The following SLTM variants were observed in gnomAD, a reference collection of about 807,000 sequenced individuals.
The protein encoded by SLTM is SAFB like transcription modulator.
Under a neutral mutation model 134.6 loss-of-function variants are expected in SLTM, and 43 were observed. The observed-to-expected ratio is 0.32, with a 90% CI of 0.25 to 0.41. The LOEUF (loss-of-function observed/expected upper bound fraction) is 0.41. Among genes scored for constraint, SLTM ranks in the 10% least tolerant of loss-of-function variants. The pLI, the probability that SLTM is intolerant of heterozygous loss-of-function variation, is 1.00. For missense variants in SLTM, 1,055 were observed against 1,288.8 expected (o/e 0.82, Z 2.78); for synonymous variants, 424 against 432.3 (o/e 0.98, Z 0.24).
At chr15:58,906,780 A>C (rs952860343) in intron 5 of SLTM, among the ~76,000 whole-genome samples, 1 of 152,234 alleles carries the variant, frequency 6.6e-6, no homozygotes, top group Non-Finnish European at 1.5e-5. Flanking sequence ...TGAATTTACT[A>C]AATAAATGTA....
At position 58,913,494 on chromosome 15, in the gene SLTM, A is replaced by C; in HGVS notation, c.513+5T>G. On this transcript the variant is annotated splice_donor_5th_base_variant and intron_variant, in intron 4 of 20. Transcript: ENST00000380516. ...GTCATGTTTTAAAAAAAACTGGCTAAAGACCTGACTTTCGATGTCCTCTTT... is the reference window on the plus strand; with the variant it reads ...GTCATGTTTTAAAAAAAACTGGCTACAGACCTGACTTTCGATGTCCTCTTT... 9 of 1,599,208 alleles carry C rather than the reference A, an allele frequency of 5.6e-6. No homozygotes were observed. Among genetic ancestry groups the C allele is most frequent in the Non-Finnish European group, 6.8e-6 (8 of 1,175,160 alleles).
At chr15:58,926,548 A>G (rs2037481991) in intron 2 of SLTM, among the ~76,000 whole-genome samples, 1 of 152,066 alleles carries the variant, frequency 6.6e-6, no homozygotes, top group African/African-American at 2.4e-5. Flanking sequence ...AAAATGCTAC[A>G]TATGATAAAT....
intron 5 of SLTM, among the ~76,000 whole-genome samples, chr15:58,906,464 G>A (rs2141075073): frequency 6.6e-6 from 1 of 152,282 alleles, no homozygotes; most frequent in East Asian, 1.9e-4. Flanking sequence ...TTTCATCCTA[G>A]AAGCAGCAAT....
At chr15:58,929,259 T>C (rs2037698909) in intron 2 of SLTM, among the ~76,000 whole-genome samples, 1 of 152,170 alleles carries the variant, frequency 6.6e-6, no homozygotes, top group African/African-American at 2.4e-5. Context: ...AAGACAAGCC[T>C]GACCAACTGG....
chr15:58,907,113 A>G (rs1044439154), intron 5 of SLTM, among the ~76,000 whole-genome samples: 7 of 152,244 alleles, frequency 4.6e-5, no homozygotes, highest in African/African-American at 1.7e-4. Flanking sequence ...CTCTGTGAAT[A>G]GTAAAGCACT....
intron 3 of SLTM, among the ~76,000 whole-genome samples, chr15:58,916,323 G>A (rs1421416365): frequency 6.6e-6 from 1 of 151,928 alleles, no homozygotes; most frequent in East Asian, 1.9e-4. Flanking sequence ...ACAGGCATGC[G>A]CCACCACACC....
chr15:58,933,465 A>G lies in SLTM; in HGVS notation c.101T>C (p.Leu34Pro). The G allele has an allele frequency of 6.3e-7, 1 of 1,597,788 alleles. No individual in the cohort carries two copies. Among genetic ancestry groups the G allele is most frequent in the Non-Finnish European group, 8.5e-7 (1 of 1,172,856 alleles). The change falls in exon 1 of 21, where the codon CTG (leucine) becomes CCG (proline). Residue 34 changes from leucine to proline, a missense_variant. Physicochemically the swap from Leu to Pro is moderately conservative, Grantham distance 98. Transcript: ENST00000380516. ...GGTGATGTCTAAGTTCCGCCGCTTC[A>G]GCTCGGACTTCAGATCGATGACCCG... ...DLRVIDLKSE[L>P]KRRNLDITGV... is the part of the protein sequence containing the mutation.
intron 19 of SLTM, among the ~76,000 whole-genome samples, chr15:58,885,907 A>T (rs2034144066): frequency 6.6e-6 from 1 of 152,196 alleles, no homozygotes; most frequent in Admixed American, 6.5e-5. Flanking sequence ...TTTTTGGTAT[A>T]TAATTTATGA....
At chr15:58,890,066 A>G (rs2034536925) in intron 15 of SLTM, 3 of 582,140 alleles carry the variant, frequency 5.2e-6, no homozygotes, top group Non-Finnish European at 9.0e-6. Context: ...GATATTGCAG[A>G]GCTAGAATTA....
At position 58,933,664 on chromosome 15, in the gene SLTM, C is replaced by T. The variant is rs576835012; in HGVS notation, c.-99G>A. The T allele has an allele frequency of 4.5e-6, 6 of 1,346,124 alleles. No individual in the cohort carries two copies. The African/African-American group carries it at 7.7e-5, about 17-fold the overall frequency. 83.4% of individuals were successfully genotyped at this position (1,346,124 alleles called of 1,614,324 possible). ...GGCCTCGGCGGCCGCCGGCGCCGCG[C>T]AGCGCTGCGCACAATGAGCCGCTGG... On this transcript the variant is annotated 5_prime_UTR_variant, in exon 1 of 21. Coordinates refer to ENST00000380516, the MANE Select transcript of SLTM (RefSeq NM_024755.4).
chr15:58,916,140 G>A (rs2036627383), intron 3 of SLTM, among the ~76,000 whole-genome samples: 1 of 151,644 alleles, frequency 6.6e-6, no homozygotes, highest in South Asian at 2.1e-4. Flanking sequence ...TATCTTTAAA[G>A]GGCAAAATAA....
At chr15:58,929,144 T>C (rs2037687201) in intron 2 of SLTM, among the ~76,000 whole-genome samples, 1 of 152,182 alleles carries the variant, frequency 6.6e-6, no homozygotes, top group Non-Finnish European at 1.5e-5. Flanking sequence ...CAAAAAGAAT[T>C]GAATGTAGTA....
chr15:58,891,097 A>G (rs1178429816), intron 14 of SLTM, among the ~76,000 whole-genome samples: 2 of 152,218 alleles, frequency 1.3e-5, no homozygotes, highest in South Asian at 4.1e-4. Flanking sequence ...ACTGTAAGGT[A>G]GTCAGCATCC....
intron 3 of SLTM, 131 bp from the exon 4 acceptor site, chr15:58,913,827 AT>A: frequency 1.5e-6 from 1 of 656,330 alleles, no homozygotes. Context: ...AAGTTCATTC[AT>A]TTTACCTTAT....
chr15:58,917,152 C>G (rs1200942376), intron 2 of SLTM, 153 bp from the exon 3 acceptor site: 1 of 638,624 alleles, frequency 1.6e-6, no homozygotes, highest in South Asian at 2.0e-5. Context: ...CAGAGCTGTC[C>G]CAAACAAAAA....
At chr15:58,894,047 T>C in intron 11 of SLTM, 43 bp downstream of exon 11, 1 of 1,599,182 alleles carries the variant, frequency 6.3e-7, no homozygotes, top group Non-Finnish European at 8.5e-7. Context: ...ACCAAAAAAG[T>C]CTATCTGCTT....
intron 15 of SLTM, chr15:58,889,917 T>C (rs2034526783): frequency 2.9e-6 from 1 of 350,394 alleles, no homozygotes; most frequent in African/African-American, 2.1e-5. Context: ...AGGCATTATT[T>C]CCTTCCAGCC....
intron 17 of SLTM, 57 bp downstream of exon 17, chr15:58,888,328 C>G: frequency 1.4e-6 from 2 of 1,439,308 alleles, no homozygotes; most frequent in Non-Finnish European, 1.9e-6. Flanking sequence ...TTAGGAGAAA[C>G]AGAGTTATCA....
At chr15:58,930,443 A>C (rs1425260444) in intron 2 of SLTM, among the ~76,000 whole-genome samples, 1 of 151,978 alleles carries the variant, frequency 6.6e-6, no homozygotes, top group African/African-American at 2.4e-5. Flanking sequence ...AAATGTTACA[A>C]CTTCTAACTG....
Sources: gnomAD v4.1 joint callset for allele counts (sites outside exome capture counted in the v4.1 genomes callset) on GRCh38, gnomAD v4.1.1 for gene constraint, MANE v1.5 for transcripts, NCBI Gene and HGNC (gene_info 2026-07-23, HGNC 2026-07-21) for gene names.